The following F2 variants were observed in gnomAD, a reference collection of about 807,000 sequenced individuals.
F2 encodes coagulation factor II, thrombin.
In F2, 34 loss-of-function variants were observed where a neutral mutation model predicts 81.9. The ratio of observed to expected loss-of-function variants is 0.42; its 90% CI spans 0.32 to 0.55. F2 has a LOEUF of 0.55. F2 is among the 20% of genes least tolerant of loss of function. The pLI is 0.18. For synonymous variants in F2, 296 were observed against 326.4 expected, an observed-to-expected ratio of 0.91 and a Z score of 1.01; for missense variants, 630 against 833.4, an observed-to-expected ratio of 0.76 and a Z score of 3.00.
rs1460216174 is a variant in F2 at position 46,726,277 on chromosome 11, T to C, written c.874+104T>C. ...ACGCTTACCTCATTGAGTGCGCTCA[T>C]TACAGCCTTACAGTAACCAGGTGGG... is the stretch of plus-strand genomic sequence containing the variant. On this transcript the variant is annotated intron_variant, in intron 7 of 13. Coordinates refer to ENST00000311907, the MANE Select transcript of F2 (RefSeq NM_000506.5). This position sits in a 1 kb window ranked among gnomAD's most constrained non-coding sequence, Gnocchi z 5.9. 6.8e-7 allele frequency: 1 copy of C among 1,474,942 alleles called. No individual in the cohort carries two copies. Among genetic ancestry groups the C allele is most frequent in the East Asian group, 2.4e-5 (1 of 42,416 alleles). The allele number at this position is 1,474,942 out of a possible 1,614,324, so 91.4% of individuals were successfully genotyped here. A position where few individuals can be genotyped will look rare whatever the true frequency, so the allele number is the denominator to read the frequency against.
intron 12 of F2, among the ~76,000 whole-genome samples, chr11:46,731,863 T>C (rs2134540106): frequency 6.6e-6 from 1 of 152,084 alleles, no homozygotes; most frequent in African/African-American, 2.4e-5. Context: ...CTGTAACTTC[T>C]GTTTTTCCCT....
At position 46,726,509 on chromosome 11, in the gene F2, G is replaced by T; in HGVS notation, c.886G>T (p.Glu296Ter). 6.2e-7 allele frequency: 1 copy of T among 1,613,882 alleles called. No homozygotes were observed. The change falls in exon 8 of 14, where the codon GAG (glutamate) becomes TAG (stop). Residue 296 changes from glutamate (E) to a stop codon, truncating the protein, a stop_gained. Coordinates refer to ENST00000311907, the MANE Select transcript of F2 (RefSeq NM_000506.5). LOFTEE classifies it high-confidence loss of function. The surrounding 1 kb of genome is among the most constrained non-coding windows in gnomAD (Gnocchi z 5.9). The part of the protein sequence containing the change: ...CDLNYCEEAV[E>*]EETGDGLDED... The stretch of plus-strand genomic sequence containing the variant: ...CTGGGTCCCAACAGAGGAGGCCGTG[G>T]AGGAGGAGACAGGAGATGGGCTGGA...
Position 46,719,814 on chromosome 11 carries a change from G to A in F2, c.192G>A (p.Thr64=), listed in dbSNP as rs147253030. Residue 64 remains threonine, a synonymous_variant, in exon 2 of 14, where the codon ACG becomes ACA. Transcript: ENST00000311907. The surrounding 1 kb of genome is among the most constrained non-coding windows in gnomAD (Gnocchi z 4.7). The stretch of plus-strand genomic sequence containing the variant: ...TGGAGCGAGAGTGCGTGGAGGAGAC[G>A]TGCAGCTACGAGGAGGCCTTCGAGG... ...GNLERECVEE[T]CSYEEAFEAL... is the part of the protein sequence containing the mutation. The A allele has an allele frequency of 4.1e-5, 66 of 1,590,994 alleles. No homozygotes were observed. The Admixed American group carries it at 8.4e-4, about 20-fold the overall frequency.
Position 46,719,705 on chromosome 11 carries a change from TC to T in F2, c.85del (p.Leu29TrpfsTer92), listed in dbSNP as rs2064822815. On this transcript the variant is annotated frameshift_variant, in exon 2 of 14. Coordinates refer to ENST00000311907, the MANE Select transcript of F2 (RefSeq NM_000506.5). LOFTEE classifies it high-confidence loss of function. The surrounding 1 kb of genome is among the most constrained non-coding windows in gnomAD (Gnocchi z 4.7). ...LCSLVHSQHV[F>X]LAPQQARSLL... is the part of the protein sequence containing the mutation. Reference sequence around the variant, plus strand: ...TGACCCCCCCACCGCCTTACAGTGTTCCTGGCTCCTCAGCAAGCACGGTCGC... The same window carrying T: ...TGACCCCCCCACCGCCTTACAGTGTTCTGGCTCCTCAGCAAGCACGGTCGC... The T allele has an allele frequency of 1.3e-6, 2 of 1,589,370 alleles. No individual in the cohort carries two copies. Among genetic ancestry groups the T allele is most frequent in the Non-Finnish European group, 1.7e-6 (2 of 1,169,188 alleles).
intron 4 of F2, among the ~76,000 whole-genome samples, chr11:46,721,871 CT>C (rs1231789831): frequency 1.4e-5 from 2 of 143,994 alleles, no homozygotes; most frequent in African/African-American, 5.2e-5. Context: ...GAGGTGGAGT[CT>C]CACTCTGTCG....
At position 46,726,412 on chromosome 11, in the gene F2, C is replaced by T. The variant is rs2064873204; in HGVS notation, c.875-86C>T. 1.3e-6 allele frequency: 2 copies of T among 1,560,862 alleles called. No individual in the cohort carries two copies. Among genetic ancestry groups the T allele is most frequent in the East Asian group, 2.4e-5 (1 of 41,650 alleles). ...CTTAACCTCTGCACCAAATGGCCTC[C>T]AAGGCCCGTAGGGGAATTGGGGGGA... On this transcript the variant is annotated intron_variant, in intron 7 of 13. Transcript: ENST00000311907. This position sits in a 1 kb window ranked among gnomAD's most constrained non-coding sequence, Gnocchi z 5.9.
At chr11:46,734,828 AAAC>A (rs985693141) in intron 12 of F2, among the ~76,000 whole-genome samples, 6 of 152,084 alleles carry the variant, frequency 3.9e-5, no homozygotes, top group African/African-American at 1.4e-4. Flanking sequence ...AAACGACAAA[AAAC>A]AACAACAGAA....
chr11:46,728,237 G>A lies in F2; in HGVS notation c.1298+74G>A. On this transcript the variant is annotated intron_variant, in intron 10 of 13. Transcript: ENST00000311907. The surrounding 1 kb of genome is among the most constrained non-coding windows in gnomAD (Gnocchi z 5.1). ...AAAGCGATCATGAGGGGCCCTGGTG[G>A]CTCCGGGACACATAGGATGTTCTGT... is the stretch of plus-strand genomic sequence containing the variant. 1 of 1,471,120 alleles carries A rather than the reference G, an allele frequency of 6.8e-7. No individual in the cohort carries two copies. The highest frequency in any genetic ancestry group is 9.3e-7 in the Non-Finnish European group (1 of 1,071,052). 91.1% of individuals were successfully genotyped at this position (1,471,120 alleles called of 1,614,324 possible).
intron 12 of F2, among the ~76,000 whole-genome samples, chr11:46,738,145 C>T (rs946601630): frequency 1.2e-4 from 19 of 152,124 alleles, no homozygotes; most frequent in East Asian, 3.9e-4. Flanking sequence ...GGATTATAGG[C>T]GCACACCAAC....
rs937905659 is a variant in F2 at position 46,719,981 on chromosome 11, A to G, written c.240+119A>G. On this transcript the variant is annotated intron_variant, in intron 2 of 13. Coordinates refer to ENST00000311907, the MANE Select transcript of F2 (RefSeq NM_000506.5). This position sits in a 1 kb window ranked among gnomAD's most constrained non-coding sequence, Gnocchi z 4.7. Reference sequence around the variant, plus strand: ...CTTCGCTGCTCACAGCCTCATTTCAACTCTGAGCCCCTCCTCACAGGGCTG... The same window carrying G: ...CTTCGCTGCTCACAGCCTCATTTCAGCTCTGAGCCCCTCCTCACAGGGCTG... 9.5e-6 allele frequency: 13 copies of G among 1,367,140 alleles called. No individual in the cohort carries two copies. The highest frequency in any genetic ancestry group is 1.4e-5 in the African/African-American group (1 of 69,674). The allele number at this position is 1,367,140 out of a possible 1,614,324, so 84.7% of individuals were successfully genotyped here.
rs964994043 is a variant in F2 at position 46,726,272 on chromosome 11, G to A, written c.874+99G>A. ...ATCGAACGCTTACCTCATTGAGTGC[G>A]CTCATTACAGCCTTACAGTAACCAG... On this transcript the variant is annotated intron_variant, in intron 7 of 13. Transcript: ENST00000311907. The surrounding 1 kb of genome is among the most constrained non-coding windows in gnomAD (Gnocchi z 5.9). 10 of 1,499,364 alleles carry A rather than the reference G, an allele frequency of 6.7e-6. No homozygotes were observed. The highest frequency in any genetic ancestry group is 1.7e-4 in the Middle Eastern group (1 of 5,872). 92.9% of individuals were successfully genotyped at this position (1,499,364 alleles called of 1,614,324 possible).
In F2 at chr11:46,728,219, T is replaced by A; in HGVS notation, c.1298+56T>A. On this transcript the variant is annotated intron_variant, in intron 10 of 13. Transcript: ENST00000311907. The surrounding 1 kb of genome is among the most constrained non-coding windows in gnomAD (Gnocchi z 5.1). Reference sequence around the variant, plus strand: ...CAGGGGTCTGAGTCCTCCAAAGCGATCATGAGGGGCCCTGGTGGCTCCGGG... The same window carrying A: ...CAGGGGTCTGAGTCCTCCAAAGCGAACATGAGGGGCCCTGGTGGCTCCGGG... 1 of 1,558,670 alleles carries A rather than the reference T, an allele frequency of 6.4e-7. No homozygotes were observed. Among genetic ancestry groups the A allele is most frequent in the East Asian group, 2.3e-5 (1 of 43,628 alleles).
At chr11:46,735,691 G>A (rs2064939876) in intron 12 of F2, among the ~76,000 whole-genome samples, 1 of 151,764 alleles carries the variant, frequency 6.6e-6, no homozygotes. Context: ...GGGAGGCCGA[G>A]GCGAGCGGAT....
rs2064847242 is a variant in F2, at chr11:46,723,059, G to A, written c.317-121G>A. On this transcript the variant is annotated intron_variant, in intron 4 of 13. Transcript: ENST00000311907. This position sits in a 1 kb window ranked among gnomAD's most constrained non-coding sequence, Gnocchi z 5.6. The stretch of plus-strand genomic sequence containing the variant: ...CTGGTTGCAGAGGAAGAGGGGCTGG[G>A]TGAATGCAGGTTCAGGATTGTGGAC... 1 of 845,564 alleles carries A rather than the reference G, an allele frequency of 1.2e-6. No homozygotes were observed. Among genetic ancestry groups the A allele is most frequent in the Non-Finnish European group, 2.1e-6 (1 of 481,150 alleles). 52.4% of individuals were successfully genotyped at this position (845,564 alleles called of 1,614,324 possible).
intron 2 of F2, 107 bp from the exon 3 acceptor site, chr11:46,720,416 C>A: frequency 7.7e-7 from 1 of 1,301,714 alleles, no homozygotes; most frequent in Non-Finnish European, 1.1e-6. Context: ...AGAGCCTGCC[C>A]CCTGCGTGAC....
In F2 at chr11:46,729,512, C is replaced by T; in HGVS notation, c.1605C>T (p.Val535=). The T allele has an allele frequency of 6.2e-7, 1 of 1,614,060 alleles. No individual in the cohort carries two copies. Among genetic ancestry groups the T allele is most frequent in the South Asian group, 1.1e-5 (1 of 91,086 alleles). The change falls in exon 12 of 14, where the codon GTC becomes GTT. Residue 535 remains valine, a synonymous_variant. Transcript: ENST00000311907. The part of the protein sequence containing the change: ...VVNLPIVERP[V]CKDSTRIRIT... ...ACCTGCCCATTGTGGAGCGGCCGGT[C>T]TGCAAGGACTCCACCCGGATCCGCA...
Position 46,728,580 on chromosome 11 carries a change from T to C in F2, c.1299-84T>C, listed in dbSNP as rs567586229. 4.6e-6 allele frequency: 7 copies of C among 1,510,332 alleles called. No homozygotes were observed. In the East Asian group the frequency reaches 1.4e-4, roughly 29 times the overall value. The allele number at this position is 1,510,332 out of a possible 1,614,324, so 93.6% of individuals were successfully genotyped here. A position where few individuals can be genotyped will look rare whatever the true frequency, so the allele number is the denominator to read the frequency against. ...CTGGTGGCCTGCAGGACACACTGTC[T>C]CCCAGACCCCAAGGGCAGGCAGTTT... On this transcript the variant is annotated intron_variant, in intron 10 of 13. Transcript: ENST00000311907. The surrounding 1 kb of genome is among the most constrained non-coding windows in gnomAD (Gnocchi z 5.1).
At chr11:46,735,778 C>G (rs1326920800) in intron 12 of F2, among the ~76,000 whole-genome samples, 2 of 151,344 alleles carry the variant, frequency 1.3e-5, no homozygotes, top group Non-Finnish European at 2.9e-5. Context: ...CAAAATTAGC[C>G]AGACATGGAG....
chr11:46,726,563 C>A lies in F2; in HGVS notation c.940C>A (p.Arg314Ser). 1.9e-6 allele frequency: 3 copies of A among 1,614,062 alleles called. No homozygotes were observed. The highest frequency in any genetic ancestry group is 2.5e-6 in the Non-Finnish European group (3 of 1,179,958). ...GGACTCAGACAGGGCCATCGAAGGG[C>A]GTACCGCCACCAGTGAGTACCAGAC... is the stretch of plus-strand genomic sequence containing the variant. Reference protein sequence around the residue: ...DEDSDRAIEGRTATSEYQTFF... With the variant: ...DEDSDRAIEGSTATSEYQTFF... The change falls in exon 8 of 14, where the codon CGT becomes AGT. Residue 314 changes from arginine to serine, a missense_variant. Physicochemically the swap from Arg to Ser is moderately radical, Grantham distance 110 (BLOSUM62 -1). Transcript: ENST00000311907. The surrounding 1 kb of genome is among the most constrained non-coding windows in gnomAD (Gnocchi z 5.9).
Sources: allele counts gnomAD v4.1 joint callset (sites outside exome capture counted in the v4.1 genomes callset), GRCh38; gene constraint gnomAD v4.1.1; non-coding constraint Gnocchi (gnomAD v3.1); transcripts MANE v1.5; gene names NCBI Gene and HGNC (gene_info 2026-07-23, HGNC 2026-07-21).